Variants in IL1RAP observed in about 807,000 individuals in gnomAD.
IL1RAP encodes the protein interleukin 1 receptor accessory protein.
IL1RAP carries 35 observed loss-of-function variants against 60.7 expected under a neutral mutation model. That is an observed-to-expected ratio of 0.58 (90% CI 0.44 to 0.76). The LOEUF is 0.76. Among genes scored for constraint, IL1RAP ranks in the 30% least tolerant of loss-of-function variants. The pLI, the probability that IL1RAP is intolerant of heterozygous loss-of-function variation, is 0.00. For missense variants in IL1RAP, 572 were observed against 693.9 expected (o/e 0.82, Z 1.97); for synonymous variants, 268 against 250.9 (o/e 1.07, Z -0.64).
intron 4 of IL1RAP, among the ~76,000 whole-genome samples, chr3:190,605,343 A>T (rs1016388871): frequency 4.6e-5 from 7 of 152,048 alleles, no homozygotes; most frequent in African/African-American, 1.7e-4. Context: ...GAAAAAAACA[A>T]AAAAACAAAA....
chr3:190,611,133 AT>A (rs1447655806), intron 5 of IL1RAP, among the ~76,000 whole-genome samples: 6 of 152,170 alleles, frequency 3.9e-5, no homozygotes, highest in Admixed American at 2.0e-4. Flanking sequence ...TAATGATCCA[AT>A]TAGAATTATC....
At chr3:190,605,080 A>C (rs897191753) in intron 4 of IL1RAP, among the ~76,000 whole-genome samples, 1 of 152,108 alleles carries the variant, frequency 6.6e-6, no homozygotes, top group African/African-American at 2.4e-5. Flanking sequence ...GTCTGTCATA[A>C]TATTCTCCCA....
At chr3:190,571,825 C>T (rs1302462363) in intron 3 of IL1RAP, among the ~76,000 whole-genome samples, 1 of 152,128 alleles carries the variant, frequency 6.6e-6, no homozygotes, top group Non-Finnish European at 1.5e-5. Context: ...TTTCTTAAAA[C>T]ATTATGGACT....
intron 4 of IL1RAP, among the ~76,000 whole-genome samples, chr3:190,606,714 G>A (rs1730358722): frequency 6.6e-6 from 1 of 152,060 alleles, no homozygotes; most frequent in South Asian, 2.1e-4. Flanking sequence ...TGTTCCTAAA[G>A]CAAATCTAGA....
intron 3 of IL1RAP, 22 bp from the exon 4 acceptor site, chr3:190,604,106 C>CT: frequency 1.2e-6 from 2 of 1,606,040 alleles, no homozygotes; most frequent in Non-Finnish European, 1.7e-6. Flanking sequence ...CTGCCCCTTT[C>CT]TTTCTTTTTT....
At chr3:190,631,709 T>C (rs1732803707) in intron 9 of IL1RAP, among the ~76,000 whole-genome samples, 1 of 152,214 alleles carries the variant, frequency 6.6e-6, no homozygotes, top group African/African-American at 2.4e-5. Flanking sequence ...CTGGTGTAGG[T>C]CTTATTGACA....
At chr3:190,544,286 A>G (rs1334931056) in intron 1 of IL1RAP, among the ~76,000 whole-genome samples, 1 of 152,150 alleles carries the variant, frequency 6.6e-6, no homozygotes, top group Non-Finnish European at 1.5e-5. Flanking sequence ...ATTTGGCAAC[A>G]GTCTTTAAGA....
Position 190,619,650 on chromosome 3 carries a change from A to G in IL1RAP, c.538-625A>G, listed in dbSNP as rs114224711. 8.5e-3 allele frequency among the ~76,000 whole-genome samples: 1,289 copies of G among 151,988 alleles called. 18 individuals are homozygous for G. The highest frequency in any genetic ancestry group is 0.03 in the African/African-American group (1,247 of 41,402). On this transcript the variant is annotated intron_variant, in intron 5 of 11. Transcript: ENST00000447382. ...TGAGGCAGGAGAAGTGCTTGAACCC[A>G]GAAGACTGAGGTTGCAATGAGCTGA...
In IL1RAP at chr3:190,602,202, A is replaced by G. The variant is rs1373792349; in HGVS notation, c.65-1926A>G. On this transcript the variant is annotated intron_variant, in intron 3 of 11. Transcript: ENST00000447382. ...TATAAAATGGGTATACAGCTCAGAAAGAATTTAAAGAATTGAGTGACCTTG... is the reference window on the plus strand; with the variant it reads ...TATAAAATGGGTATACAGCTCAGAAGGAATTTAAAGAATTGAGTGACCTTG... Among the ~76,000 whole-genome samples the G allele has an allele frequency of 3.9e-5, 6 of 152,348 alleles. 1 individual carries two copies. The highest frequency in any genetic ancestry group is 3.4e-3 in the Middle Eastern group (1 of 294).
intron 3 of IL1RAP, among the ~76,000 whole-genome samples, chr3:190,597,553 T>C (rs1276378413): frequency 2.0e-5 from 3 of 152,128 alleles, no homozygotes; most frequent in Non-Finnish European, 2.9e-5. Context: ...AAAGAGAGCA[T>C]CAGAGATTAT....
At chr3:190,626,663 CCTT>C (rs1732295800) in intron 7 of IL1RAP, among the ~76,000 whole-genome samples, 1 of 140,574 alleles carries the variant, frequency 7.1e-6, no homozygotes. Flanking sequence ...TTGTCAGAGA[CCTT>C]TTTTTTTTTT....
intron 9 of IL1RAP, among the ~76,000 whole-genome samples, chr3:190,640,510 A>C (rs1733578189): frequency 6.6e-6 from 1 of 152,238 alleles, no homozygotes; most frequent in African/African-American, 2.4e-5. Context: ...ACTCAGGAGA[A>C]TGGTCATTAC....
intron 3 of IL1RAP, among the ~76,000 whole-genome samples, chr3:190,583,554 T>C (rs1040176036): frequency 6.6e-6 from 1 of 152,326 alleles, no homozygotes; most frequent in Non-Finnish European, 1.5e-5. Flanking sequence ...TAAAGCTCTC[T>C]CTTTGAGCTC....
At chr3:190,562,727 CACACACACAT>C (rs1274679732) in intron 2 of IL1RAP, among the ~76,000 whole-genome samples, 1 of 124,928 alleles carries the variant, frequency 8.0e-6, no homozygotes, top group African/African-American at 2.7e-5. Flanking sequence ...CACACACACA[CACACACACAT>C]CTGCTACATA....
Position 190,650,282 on chromosome 3 carries a change from T to G in IL1RAP, c.*1577T>G, listed in dbSNP as rs1043679923. On this transcript the variant is annotated 3_prime_UTR_variant, in exon 12 of 12. Coordinates refer to ENST00000447382, the MANE Select transcript of IL1RAP (RefSeq NM_002182.4). ...CTTGCCTTCCCTAAGTTTATATAAA[T>G]AACTTAAGTATTGCTACAGTTTATC... 1 of 984,708 alleles carries G rather than the reference T, an allele frequency of 1.0e-6. No individual in the cohort carries two copies. The highest frequency in any genetic ancestry group is 1.2e-6 in the Non-Finnish European group (1 of 829,366). The allele number at this position is 984,708 out of a possible 1,614,324, so 61.0% of individuals were successfully genotyped here. A position where few individuals can be genotyped will look rare whatever the true frequency, so the allele number is the denominator to read the frequency against.
At position 190,644,325 on chromosome 3, in the gene IL1RAP, G is replaced by A. The variant is rs1733860236; in HGVS notation, c.1129G>A (p.Val377Ile). 6.2e-7 allele frequency: 1 copy of A among 1,613,818 alleles called. No homozygotes were observed. Among genetic ancestry groups the A allele is most frequent in the African/African-American group, 1.3e-5 (1 of 74,886 alleles). ...TVLLVVILIV[V>I]YHVYWLEMVL... ...CCTGCTAGTGGTGATTCTCATTGTT[G>A]TTTACCATGTTTACTGGCTAGAGAT... is the stretch of plus-strand genomic sequence containing the variant. The change falls in exon 10 of 12, where the codon GTT (valine) becomes ATT (isoleucine). Residue 377 changes from valine (V) to isoleucine (I), a missense_variant. Transcript: ENST00000447382.
At chr3:190,591,814 A>T (rs3773958) in intron 3 of IL1RAP, among the ~76,000 whole-genome samples, 1 of 151,900 alleles carries the variant, frequency 6.6e-6, no homozygotes. Context: ...AGGGAAAAAA[A>T]CCCCCACAAA....
chr3:190,626,664 CTTTT>C (rs766018376), intron 7 of IL1RAP, among the ~76,000 whole-genome samples: 5 of 99,988 alleles, frequency 5.0e-5, no homozygotes, highest in African/African-American at 1.7e-4. Context: ...TGTCAGAGAC[CTTTT>C]TTTTTTTTTT....
chr3:190,621,166 C>A (rs1468534031), intron 6 of IL1RAP, among the ~76,000 whole-genome samples: 2 of 152,164 alleles, frequency 1.3e-5, no homozygotes, highest in African/African-American at 4.8e-5. Context: ...TTTTGTCATA[C>A]CCCATCTTTT....
Sources: allele counts gnomAD v4.1 joint callset (sites outside exome capture counted in the v4.1 genomes callset), GRCh38; gene constraint gnomAD v4.1.1; transcripts MANE v1.5; gene names NCBI Gene and HGNC (gene_info 2026-07-23, HGNC 2026-07-21).